The following NRXN1 variants were observed in gnomAD, a reference collection of about 807,000 sequenced individuals.
NRXN1 encodes the protein neurexin-1.
In NRXN1, 39 loss-of-function variants were observed where a neutral mutation model predicts 150.9. The observed-to-expected ratio is 0.26, with a 90% CI of 0.20 to 0.34. The LOEUF is 0.34. NRXN1 is among the 10% of genes least tolerant of loss of function. The pLI, the probability that NRXN1 is intolerant of heterozygous loss-of-function variation, is 1.00. For missense variants in NRXN1, 1,815 were observed against 1,949.9 expected (o/e 0.93, Z 1.30); for synonymous variants, 924 against 757.0 (o/e 1.22, Z -3.62).
rs1491486406 is a variant in NRXN1 at position 49,942,613 on chromosome 2, T to TTATTATTATTATTA, written c.4216+1090_4216+1091insTAATAATAATAATA. ...AATATTATTATTATTATTATTATTA[T>TTATTATTATTATTA]TTTATTATTATTTTGAGACAAAATC... On this transcript the variant is annotated intron_variant, in intron 22 of 22. Transcript: ENST00000401669. Among the ~76,000 whole-genome samples, 36 of 149,376 alleles carry TTATTATTATTATTA rather than the reference T, an allele frequency of 2.4e-4. No homozygotes were observed. In the South Asian group the frequency reaches 2.9e-3, roughly 12 times the overall value.
intron 2 of NRXN1, among the ~76,000 whole-genome samples, chr2:50,976,748 C>A (rs953853721): frequency 1.3e-5 from 2 of 151,936 alleles, no homozygotes; most frequent in African/African-American, 4.8e-5. Flanking sequence ...TACTCGGGAA[C>A]TGTAACCCTG....
rs193257258 is a variant in NRXN1, at chr2:50,671,553, G to C, written c.833-47938C>G. Reference sequence around the variant, plus strand: ...CATCCAGTCAGATAAATCAATTTTTGCTTATTGCATGCACTTTTTATAACT... The same window carrying C: ...CATCCAGTCAGATAAATCAATTTTTCCTTATTGCATGCACTTTTTATAACT... On this transcript the variant is annotated intron_variant, in intron 5 of 22. Coordinates refer to ENST00000401669, the MANE Select transcript of NRXN1 (RefSeq NM_001330078.2). Among the ~76,000 whole-genome samples the C allele has an allele frequency of 9.9e-5, 15 of 151,510 alleles. No individual in the cohort carries two copies. The East Asian group carries it at 2.9e-3, about 29-fold the overall frequency.
chr2:50,042,676 G>A (rs1691181596), intron 21 of NRXN1, among the ~76,000 whole-genome samples: 1 of 73,148 alleles, frequency 1.4e-5, no homozygotes, highest in Admixed American at 1.8e-4. Context: ...CACTGCATTA[G>A]GTGCTGAGCA....
At chr2:50,273,451 A>G (rs971603221) in intron 17 of NRXN1, among the ~76,000 whole-genome samples, 8 of 152,144 alleles carry the variant, frequency 5.3e-5, no homozygotes, top group African/African-American at 1.9e-4. Context: ...TCTCTCCCCA[A>G]AATGTGAGTA....
chr2:50,499,679 G>A (rs2091841235), intron 13 of NRXN1, among the ~76,000 whole-genome samples: 1 of 152,278 alleles, frequency 6.6e-6, no homozygotes, highest in East Asian at 1.9e-4. Context: ...TAGATGCGGT[G>A]GCTCACGCCT....
intron 18 of NRXN1, among the ~76,000 whole-genome samples, chr2:50,097,011 A>G (rs1178104905): frequency 6.6e-6 from 1 of 152,224 alleles, no homozygotes; most frequent in Non-Finnish European, 1.5e-5. Context: ...TATGAAATGG[A>G]TAAAGCAGAA....
intron 2 of NRXN1, 99 bp downstream of exon 2, chr2:51,027,403 G>C (rs1224571827): frequency 3.9e-6 from 5 of 1,271,352 alleles, no homozygotes; most frequent in Non-Finnish European, 5.1e-6. Flanking sequence ...ACTGCCACAC[G>C]TTTGCCAAGA....
intron 18 of NRXN1, among the ~76,000 whole-genome samples, chr2:50,186,704 A>T (rs979038317): frequency 1.3e-5 from 2 of 152,032 alleles, no homozygotes; most frequent in African/African-American, 4.8e-5. Flanking sequence ...AAAGACATAG[A>T]ATGCTTCTTC....
At chr2:50,966,259 G>A (rs527825403) in intron 2 of NRXN1, among the ~76,000 whole-genome samples, 1 of 151,142 alleles carries the variant, frequency 6.6e-6, no homozygotes, top group South Asian at 2.1e-4. Context: ...AAAATGTCAG[G>A]TGCTGGAAAT....
At chr2:50,546,398 G>A (rs2093494886) in intron 9 of NRXN1, among the ~76,000 whole-genome samples, 2 of 152,076 alleles carry the variant, frequency 1.3e-5, no homozygotes, top group Non-Finnish European at 2.9e-5. Flanking sequence ...AAGCCCAGGG[G>A]CCTAGCTCAG....
intron 22 of NRXN1, 132 bp from the exon 23 acceptor site, chr2:49,922,383 T>C: frequency 1.1e-6 from 1 of 931,244 alleles, no homozygotes; most frequent in South Asian, 1.5e-5. Context: ...TTGATAAATG[T>C]AGCCATCCCT....
chr2:49,931,519 C>A (rs1483180996), intron 22 of NRXN1, among the ~76,000 whole-genome samples: 1 of 151,908 alleles, frequency 6.6e-6, no homozygotes, highest in Non-Finnish European at 1.5e-5. Flanking sequence ...AACTTGAGCT[C>A]TTTTTTCAAT....
chr2:50,449,013 G>A lies in NRXN1; in HGVS notation c.3364+16429C>T, dbSNP rs549880079. Reference sequence around the variant, plus strand: ...CACATTATTACTGGCCCAGAACGAAGCAGAGTTTGCCAAGATCTTCCTGGT... The same window carrying A: ...CACATTATTACTGGCCCAGAACGAAACAGAGTTTGCCAAGATCTTCCTGGT... On this transcript the variant is annotated intron_variant, in intron 17 of 22. Coordinates refer to ENST00000401669, the MANE Select transcript of NRXN1 (RefSeq NM_001330078.2). Among the ~76,000 whole-genome samples the A allele has an allele frequency of 2.0e-5, 3 of 152,236 alleles. No homozygotes were observed. The South Asian group carries it at 6.2e-4, about 32-fold the overall frequency.
At chr2:50,356,397 A>AAGAT (rs1159293324) in intron 17 of NRXN1, among the ~76,000 whole-genome samples, 1 of 152,224 alleles carries the variant, frequency 6.6e-6, no homozygotes, top group East Asian at 1.9e-4. Context: ...TTATTCTTAA[A>AAGAT]AGATAGGAAA....
chr2:50,222,327 G>A (rs1001707930), intron 18 of NRXN1, among the ~76,000 whole-genome samples: 6 of 151,918 alleles, frequency 3.9e-5, no homozygotes, highest in African/African-American at 9.7e-5. Context: ...ATTAAAATGC[G>A]AACACACTCA....
At chr2:50,807,238 A>G (rs1667623873) in intron 5 of NRXN1, among the ~76,000 whole-genome samples, 1 of 152,126 alleles carries the variant, frequency 6.6e-6, no homozygotes, top group Non-Finnish European at 1.5e-5. Context: ...TGCCTTGAAG[A>G]AAGTTTAACT....
intron 18 of NRXN1, among the ~76,000 whole-genome samples, chr2:50,104,345 C>T (rs1701361935): frequency 6.6e-6 from 1 of 152,000 alleles, no homozygotes. Flanking sequence ...TTATACACTT[C>T]CCCTGCCAAA....
chr2:50,469,070 T>A (rs182041171), intron 16 of NRXN1, among the ~76,000 whole-genome samples: 18 of 151,644 alleles, frequency 1.2e-4, no homozygotes, highest in African/African-American at 3.4e-4. Flanking sequence ...AAAAAAGCCA[T>A]CCAAAGTATG....
At chr2:50,489,449 C>G (rs370020627) in intron 15 of NRXN1, among the ~76,000 whole-genome samples, 70 of 151,962 alleles carry the variant, frequency 4.6e-4, no homozygotes, top group African/African-American at 1.6e-3. Context: ...TGCAGGTTGT[C>G]ACTAGCAGTC....
Sources: gnomAD v4.1 joint callset for allele counts (sites outside exome capture counted in the v4.1 genomes callset) on GRCh38, gnomAD v4.1.1 for gene constraint, MANE v1.5 for transcripts, NCBI Gene and HGNC (gene_info 2026-07-23, HGNC 2026-07-21) for gene names.